CHLSN: variants seen among roughly 807,000 people sequenced by gnomAD.
The protein encoded by CHLSN is cholesin.
chr7:1,098,023 C>T, the CHLSN span, among the ~76,000 whole-genome samples: 12 of 152,250 alleles, frequency 7.9e-5, no homozygotes, highest in East Asian at 7.7e-4. Context: ...AGGAAAAGAG[C>T]GTCGTGAAGG....
the CHLSN span, chr7:983,322 G>A: frequency 9.7e-6 from 15 of 1,539,222 alleles, no homozygotes; most frequent in South Asian, 2.4e-5. Context: ...GGCCTCGCCC[G>A]CTGCCGCTCG....
the CHLSN span, among the ~76,000 whole-genome samples, chr7:1,123,493 C>T: frequency 1.3e-5 from 2 of 152,132 alleles, no homozygotes; most frequent in Admixed American, 1.3e-4. This position sits in a 1 kb window ranked among gnomAD's most constrained non-coding sequence, Gnocchi z 4.4. Flanking sequence ...GGAAGCAGCG[C>T]AGTACTTTTC....
the CHLSN span, among the ~76,000 whole-genome samples, chr7:1,043,128 C>T: frequency 6.6e-6 from 1 of 151,396 alleles, no homozygotes; most frequent in Non-Finnish European, 1.5e-5. Flanking sequence ...CATGGTGGCA[C>T]GCACCTGTAA....
At chr7:1,038,232 G>T in the CHLSN span, among the ~76,000 whole-genome samples, 9 of 89,458 alleles carry the variant, frequency 1.0e-4, no homozygotes, top group Non-Finnish European at 1.7e-4. Flanking sequence ...CGACCGGCCA[G>T]CCGTGCCATC....
chr7:992,491 C>A, the CHLSN span, among the ~76,000 whole-genome samples: 1 of 152,246 alleles, frequency 6.6e-6, no homozygotes, highest in Admixed American at 6.5e-5. Context: ...TTTAATGGAA[C>A]CCAAGTGACC....
the CHLSN span, among the ~76,000 whole-genome samples, chr7:1,128,641 C>CCT: frequency 1.1e-4 from 2 of 17,756 alleles, no homozygotes; most frequent in Non-Finnish European, 9.4e-5. Context: ...CTCATCTCAC[C>CCT]GTCACCCGGG....
At chr7:996,597 T>C in the CHLSN span, among the ~76,000 whole-genome samples, 8 of 152,156 alleles carry the variant, frequency 5.3e-5, no homozygotes, top group Non-Finnish European at 1.2e-4. Flanking sequence ...TGGAACAGAC[T>C]TGGCCTCACA....
chr7:1,136,790 G>A, the CHLSN span, among the ~76,000 whole-genome samples: 1 of 151,712 alleles, frequency 6.6e-6, no homozygotes, highest in Non-Finnish European at 1.5e-5. Context: ...GCTTCCTAGT[G>A]TTCATCCTCT....
the CHLSN span, among the ~76,000 whole-genome samples, chr7:1,038,313 A>T: frequency 2.1e-5 from 2 of 93,862 alleles, no homozygotes; most frequent in African/African-American, 7.8e-5. Context: ...TGGGGGGGTC[A>T]GCCCCCCGCC....
At chr7:1,068,583 A>G in the CHLSN span, among the ~76,000 whole-genome samples, 1 of 152,214 alleles carries the variant, frequency 6.6e-6, no homozygotes, top group East Asian at 1.9e-4. Context: ...TCAGCAAGCT[A>G]CAGAAGACCA....
At chr7:1,129,964 A>G in the CHLSN span, among the ~76,000 whole-genome samples, 1 of 152,190 alleles carries the variant, frequency 6.6e-6, no homozygotes. Context: ...AGGCTCACTC[A>G]TGCTCCCCAT....
the CHLSN span, among the ~76,000 whole-genome samples, chr7:1,081,473 C>T: frequency 2.0e-5 from 3 of 152,200 alleles, no homozygotes; most frequent in Admixed American, 6.5e-5. Context: ...CGGGCTCGAG[C>T]GGGGCTTGGC....
At chr7:1,123,076 C>T in the CHLSN span, among the ~76,000 whole-genome samples, 39 of 152,312 alleles carry the variant, frequency 2.6e-4, no homozygotes, top group South Asian at 1.4e-3. This position sits in a 1 kb window ranked among gnomAD's most constrained non-coding sequence, Gnocchi z 4.4. Context: ...CACCCAGAGC[C>T]GAGACCCTGA....
the CHLSN span, among the ~76,000 whole-genome samples, chr7:1,084,039 G>C: frequency 1.3e-5 from 2 of 152,374 alleles, no homozygotes; most frequent in African/African-American, 4.8e-5. Context: ...GACATGGCAA[G>C]TCTGTCTGAG....
the CHLSN span, among the ~76,000 whole-genome samples, chr7:1,019,525 G>A: frequency 0.046 from 7,006 of 152,324 alleles, 539 homozygotes; most frequent in African/African-American, 0.16. Flanking sequence ...CCTCACTGCA[G>A]CACCCGGGCT....
the CHLSN span, among the ~76,000 whole-genome samples, chr7:1,015,511 TCCAG>T: frequency 6.6e-6 from 1 of 152,218 alleles, no homozygotes; most frequent in Non-Finnish European, 1.5e-5. Flanking sequence ...AGTCATCTGT[TCCAG>T]CCAGACCTTC....
At chr7:1,028,244 C>A in the CHLSN span, 1 of 1,093,818 alleles carries the variant, frequency 9.1e-7, no homozygotes, top group African/African-American at 1.7e-5. Context: ...CGGGCCCTGG[C>A]CCCGCGCACT....
chr7:1,023,716 C>T, the CHLSN span, among the ~76,000 whole-genome samples: 22 of 151,972 alleles, frequency 1.4e-4, no homozygotes, highest in East Asian at 4.3e-3. The surrounding 1 kb of genome is among the most constrained non-coding windows in gnomAD (Gnocchi z 5.0). Flanking sequence ...GGCAGCCCAA[C>T]TCCTCGTTCT....
chr7:1,012,820 G>T, the CHLSN span, among the ~76,000 whole-genome samples: 2 of 152,174 alleles, frequency 1.3e-5, no homozygotes, highest in Non-Finnish European at 2.9e-5. Context: ...CCGTGCTCGC[G>T]CTCGCTGCCT....
Sources: allele counts gnomAD v4.1 joint callset (sites outside exome capture counted in the v4.1 genomes callset), GRCh38; gene constraint gnomAD v4.1.1; non-coding constraint Gnocchi (gnomAD v3.1); transcripts MANE v1.5; gene names NCBI Gene and HGNC (gene_info 2026-07-23, HGNC 2026-07-21).